Variants in MOK observed in about 807,000 individuals in gnomAD.
The protein encoded by MOK is MOK protein kinase.
A neutral mutation model predicts 54.2 loss-of-function variants in MOK; 59 were observed. That is an observed-to-expected ratio of 1.09 (90% confidence interval 0.88 to 1.35). MOK has a LOEUF of 1.35. Ranked by LOEUF, MOK falls within the 40% of genes most tolerant of loss-of-function variation. The pLI is 0.00. For missense variants in MOK, 517 were observed against 526.2 expected, an observed-to-expected ratio of 0.98 and a Z score of 0.17; for synonymous variants, 210 against 202.7, an observed-to-expected ratio of 1.04 and a Z score of -0.31.
Position 102,232,963 on chromosome 14 carries a change from A to T in MOK, c.693-255T>A, listed in dbSNP as rs1264005780. ...TCGAGGCAGGTGCTGACGACAGGGG[A>T]GGCTGTGTGCACATGGGGACAGGGC... On this transcript the variant is annotated intron_variant, in intron 8 of 11. Transcript: ENST00000361847. This position sits in a 1 kb window ranked among gnomAD's most constrained non-coding sequence, Gnocchi z 5.1. 3 of 311,630 alleles carry T rather than the reference A, an allele frequency of 9.6e-6. No individual in the cohort carries two copies. Among genetic ancestry groups the T allele is most frequent in the Non-Finnish European group, 1.2e-5 (2 of 171,536 alleles). 19.3% of individuals were successfully genotyped at this position (311,630 alleles called of 1,614,324 possible).
chr14:102,304,925 C>T, intron 1 of MOK, 37 bp downstream of exon 1: 2 of 1,588,958 alleles, frequency 1.3e-6, no homozygotes, highest in Non-Finnish European at 1.7e-6. Context: ...CCGCCACTCG[C>T]TCTCCAGTCC....
chr14:102,274,303 G>A (rs1319838900), intron 2 of MOK, among the ~76,000 whole-genome samples: 2 of 147,780 alleles, frequency 1.4e-5, no homozygotes, highest in Non-Finnish European at 3.0e-5. Flanking sequence ...CACCCAGGTT[G>A]GAGTGCAGCT....
chr14:102,215,762 C>G, the MOK span, among the ~76,000 whole-genome samples: 20 of 152,294 alleles, frequency 1.3e-4, no homozygotes, highest in South Asian at 8.3e-4. Context: ...GGCCCGTCGT[C>G]GGTGCAGAGC....
intron 7 of MOK, among the ~76,000 whole-genome samples, chr14:102,234,321 CCAGA>C (rs1316658391): frequency 6.6e-6 from 1 of 151,884 alleles, no homozygotes; most frequent in African/African-American, 2.4e-5. Flanking sequence ...TGCCAAAGAC[CCAGA>C]CAATCTCCTA....
At chr14:102,294,473 G>A (rs970441295) in intron 1 of MOK, among the ~76,000 whole-genome samples, 1 of 151,592 alleles carries the variant, frequency 6.6e-6, no homozygotes, top group Non-Finnish European at 1.5e-5. Context: ...AAATTAGCCA[G>A]GCATCGTGAT....
intron 2 of MOK, among the ~76,000 whole-genome samples, chr14:102,277,603 G>C (rs1036210343): frequency 2.0e-5 from 3 of 149,514 alleles, no homozygotes; most frequent in Non-Finnish European, 4.4e-5. Flanking sequence ...GGGCAACAGA[G>C]CAAGACTCCG....
the MOK span, among the ~76,000 whole-genome samples, chr14:102,215,977 G>A: frequency 6.6e-6 from 1 of 152,128 alleles, no homozygotes; most frequent in South Asian, 2.1e-4. Flanking sequence ...CCTTCCTCAG[G>A]CCCTTGTGCT....
intron 4 of MOK, among the ~76,000 whole-genome samples, chr14:102,255,749 T>G (rs563120878): frequency 6.6e-6 from 1 of 152,256 alleles, no homozygotes; most frequent in South Asian, 2.1e-4. Context: ...ACAAGTAAAA[T>G]AGAGTACAAT....
downstream of MOK, among the ~76,000 whole-genome samples, chr14:102,220,004 T>C (rs1407760886): frequency 6.6e-6 from 1 of 152,246 alleles, no homozygotes; most frequent in Non-Finnish European, 1.5e-5. This position sits in a 1 kb window ranked among gnomAD's most constrained non-coding sequence, Gnocchi z 4.2. Context: ...AACTGGAGAA[T>C]GAGTGTGCAT....
chr14:102,285,762 C>T (rs1050225565), intron 1 of MOK, among the ~76,000 whole-genome samples: 11 of 152,010 alleles, frequency 7.2e-5, no homozygotes, highest in Admixed American at 2.6e-4. Context: ...TGTGATGGTG[C>T]GCACCTGTAA....
intron 7 of MOK, among the ~76,000 whole-genome samples, chr14:102,250,603 T>TG (rs990965763): frequency 6.6e-6 from 1 of 152,202 alleles, no homozygotes; most frequent in African/African-American, 2.4e-5. Context: ...AACTGAGGGC[T>TG]GGTGCTCTTC....
In MOK at chr14:102,230,935, G is replaced by A. The variant is rs555149667; in HGVS notation, c.981+772C>T. On this transcript the variant is annotated intron_variant, in intron 10 of 11. Transcript: ENST00000361847. The surrounding 1 kb of genome is among the most constrained non-coding windows in gnomAD (Gnocchi z 4.1). ...TCAAATCAGGGACCAATGGGACACA[G>A]GAGCCTGGCTTTCTGGAGAGCAGCC... 6.6e-6 allele frequency: 1 copy of A among 152,466 alleles called. No individual in the cohort carries two copies. The highest frequency in any genetic ancestry group is 2.1e-4 in the South Asian group (1 of 4,832). The allele number at this position is 152,466 out of a possible 1,614,324, so 9.4% of individuals were successfully genotyped here.
chr14:102,263,393 A>G (rs1305184608), intron 4 of MOK, 153 bp downstream of exon 4: 1 of 446,654 alleles, frequency 2.2e-6, no homozygotes, highest in African/African-American at 2.0e-5. Context: ...AGCAGTCAGA[A>G]AAATGCCTCC....
Position 102,235,834 on chromosome 14 carries a change from C to T in MOK, c.591-2045G>A, listed in dbSNP as rs2065173779. Among the ~76,000 whole-genome samples the T allele has an allele frequency of 6.6e-6, 1 of 152,176 alleles. No individual in the cohort carries two copies. Among genetic ancestry groups the T allele is most frequent in the African/African-American group, 2.4e-5 (1 of 41,430 alleles). ...TGCCCCTCAGACCCCACAACGAGACCTCCTTAACTTGGCTTTCAAAGTCTT... is the reference window on the plus strand; with the variant it reads ...TGCCCCTCAGACCCCACAACGAGACTTCCTTAACTTGGCTTTCAAAGTCTT... On this transcript the variant is annotated intron_variant, in intron 7 of 11. Transcript: ENST00000361847. The surrounding 1 kb of genome is among the most constrained non-coding windows in gnomAD (Gnocchi z 4.4).
Position 102,230,295 on chromosome 14 carries a change from C to T in MOK, c.982-638G>A, listed in dbSNP as rs6575903. 49,110 of 152,388 alleles carry T rather than the reference C, an allele frequency of 0.32. 10,450 individuals carry two copies. Among genetic ancestry groups the T allele is most frequent in the African/African-American group, 0.62 (25,473 of 41,410 alleles). The allele number at this position is 152,388 out of a possible 1,614,324, so 9.4% of individuals were successfully genotyped here. A position where few individuals can be genotyped will look rare whatever the true frequency, so the allele number is the denominator to read the frequency against. Reference sequence around the variant, plus strand: ...ACTCCTGGCCTCAAGTGATCCTACCCTGGCCTCCCTAAGCACTGGGTTTAC... The same window carrying T: ...ACTCCTGGCCTCAAGTGATCCTACCTTGGCCTCCCTAAGCACTGGGTTTAC... On this transcript the variant is annotated intron_variant, in intron 10 of 11. Coordinates refer to ENST00000361847, the MANE Select transcript of MOK (RefSeq NM_014226.3). This position sits in a 1 kb window ranked among gnomAD's most constrained non-coding sequence, Gnocchi z 4.1.
At chr14:102,304,716 C>A (rs2072588464) in intron 1 of MOK, among the ~76,000 whole-genome samples, 1 of 152,234 alleles carries the variant, frequency 6.6e-6, no homozygotes, top group South Asian at 2.1e-4. Flanking sequence ...GAACTCGAGT[C>A]GGCTCTCCGA....
At chr14:102,229,401 G>T in intron 11 of MOK, 35 bp from the exon 12 acceptor site, 1 of 1,614,050 alleles carries the variant, frequency 6.2e-7, no homozygotes, top group Non-Finnish European at 8.5e-7. Flanking sequence ...AAAATTCAGT[G>T]GCGGCCTGGG....
chr14:102,302,871 T>TATG (rs2072393339), intron 1 of MOK, among the ~76,000 whole-genome samples: 2 of 151,422 alleles, frequency 1.3e-5, no homozygotes, highest in Middle Eastern at 3.4e-3. Flanking sequence ...ATGAAGAGTC[T>TATG]AAGAGGAAGG....
At chr14:102,278,295 G>A (rs2069073605) in intron 2 of MOK, among the ~76,000 whole-genome samples, 1 of 151,810 alleles carries the variant, frequency 6.6e-6, no homozygotes, top group South Asian at 2.1e-4. Flanking sequence ...AATAAAAATA[G>A]CAGGGATGTT....
Sources: allele counts gnomAD v4.1 joint callset (sites outside exome capture counted in the v4.1 genomes callset), GRCh38; gene constraint gnomAD v4.1.1; non-coding constraint Gnocchi (gnomAD v3.1); transcripts MANE v1.5; gene names NCBI Gene and HGNC (gene_info 2026-07-23, HGNC 2026-07-21).